Variants in SYT7 observed in about 807,000 individuals in gnomAD.
SYT7 encodes the protein synaptotagmin 7.
A neutral mutation model predicts 75.1 loss-of-function variants in SYT7; 29 were observed. The ratio of observed to expected loss-of-function variants is 0.39; its 90% CI spans 0.29 to 0.53. The LOEUF (loss-of-function observed/expected upper bound fraction) is 0.53, where lower values mean the gene tolerates loss of function less well. Ranked by LOEUF, SYT7 falls within the 20% of genes least tolerant of loss-of-function variation. The pLI is 0.77. For synonymous variants in SYT7, 376 were observed against 401.7 expected (o/e 0.94, Z 0.76); for missense variants, 693 against 953.2 (o/e 0.73, Z 3.59).
intron 6 of SYT7, among the ~76,000 whole-genome samples, chr11:61,539,159 C>G (rs1012130404): frequency 6.6e-6 from 1 of 152,176 alleles, no homozygotes; most frequent in Non-Finnish European, 1.5e-5. Flanking sequence ...GAAGTTTTGG[C>G]AGGACTGCAG....
chr11:61,572,530 C>G (rs2063950891), intron 1 of SYT7, among the ~76,000 whole-genome samples: 1 of 152,162 alleles, frequency 6.6e-6, no homozygotes, highest in Non-Finnish European at 1.5e-5. Flanking sequence ...ACTGAGTGAC[C>G]CGGGCAAGAC....
rs1219950410 is a variant in SYT7 at position 61,553,581 on chromosome 11, A to AGCAGGAGCCGAGGTGCTATGGGGG, written c.136-2142_136-2119dup. On this transcript the variant is annotated intron_variant, in intron 2 of 12. Coordinates refer to ENST00000539008, the MANE Select transcript of SYT7 (RefSeq NM_001365809.2). The surrounding 1 kb of genome is among the most constrained non-coding windows in gnomAD (Gnocchi z 5.2). ...CCTCTGGCTTCGACTATTGCTCTGC[A>AGCAGGAGCCGAGGTGCTATGGGGG]GCAGGAGCCGAGGTGCTATGGGGGA... Among the ~76,000 whole-genome samples, 4 of 152,192 alleles carry AGCAGGAGCCGAGGTGCTATGGGGG rather than the reference A, an allele frequency of 2.6e-5. No homozygotes were observed. Among genetic ancestry groups the AGCAGGAGCCGAGGTGCTATGGGGG allele is most frequent in the Non-Finnish European group, 4.4e-5 (3 of 68,038 alleles).
chr11:61,531,193 G>GT, intron 8 of SYT7: 1 of 953,644 alleles, frequency 1.0e-6, no homozygotes, highest in Non-Finnish European at 1.2e-6. Context: ...GCACAGAGCT[G>GT]TGCAATTAGA....
intron 8 of SYT7, among the ~76,000 whole-genome samples, chr11:61,530,151 G>A (rs1358237929): frequency 2.0e-5 from 3 of 152,214 alleles, no homozygotes; most frequent in African/African-American, 4.8e-5. Flanking sequence ...AGTCACCTGC[G>A]ATTGAATGGC....
intron 1 of SYT7, among the ~76,000 whole-genome samples, chr11:61,577,010 C>T (rs911324286): frequency 2.0e-5 from 3 of 152,152 alleles, no homozygotes; most frequent in Non-Finnish European, 2.9e-5. Context: ...CACCTCAATC[C>T]GGCCTGCTCT....
rs1325086784 is a variant in SYT7, at chr11:61,514,899, G to A, written c.*3728C>T. ...GAGGCGCTGGCCTGAAACTACAGTGGCCCCATGGATGGTGGTGGGAAAGCT... is the reference window on the plus strand; with the variant it reads ...GAGGCGCTGGCCTGAAACTACAGTGACCCCATGGATGGTGGTGGGAAAGCT... On this transcript the variant is annotated 3_prime_UTR_variant, in exon 13 of 13. Transcript: ENST00000539008. 6.6e-6 allele frequency among the ~76,000 whole-genome samples: 1 copy of A among 152,208 alleles called. No homozygotes were observed. The highest frequency in any genetic ancestry group is 1.5e-5 in the Non-Finnish European group (1 of 68,040).
In SYT7 at chr11:61,556,343, C is replaced by T. The variant is rs113204930; in HGVS notation, c.32-136G>A. 2,029 of 652,566 alleles carry T rather than the reference C, an allele frequency of 3.1e-3. 36 individuals are homozygous for T. The African/African-American group carries it at 0.034, about 11-fold the overall frequency. 40.4% of individuals were successfully genotyped at this position (652,566 alleles called of 1,614,324 possible). ...GGAGCTCTGAACCCAGGTTCTACTC[C>T]CAGTTCTGCCTTGCTGGATGAACTT... On this transcript the variant is annotated intron_variant, in intron 1 of 12. Transcript: ENST00000539008.
intron 1 of SYT7, among the ~76,000 whole-genome samples, chr11:61,558,673 C>T (rs985243280): frequency 6.6e-6 from 1 of 152,120 alleles, no homozygotes; most frequent in Middle Eastern, 3.2e-3. Flanking sequence ...CATCAAACAG[C>T]AGGACACCCA....
At chr11:61,577,411 G>A (rs1321451504) in intron 1 of SYT7, among the ~76,000 whole-genome samples, 1 of 152,216 alleles carries the variant, frequency 6.6e-6, no homozygotes, top group Non-Finnish European at 1.5e-5. Context: ...GGTTGTTGGT[G>A]AAATGGGTGG....
rs376880871 is a variant in SYT7, at chr11:61,542,760, C to G, written c.573-181G>C. ...CGCCGCCACTGCCTCGCCCAGGAGG[C>G]TGCAAAGCCCTCGCGCCCACCCTGA... On this transcript the variant is annotated intron_variant, in intron 5 of 12. Transcript: ENST00000539008. The surrounding 1 kb of genome is among the most constrained non-coding windows in gnomAD (Gnocchi z 7.8). 2.2e-4 allele frequency among the ~76,000 whole-genome samples: 34 copies of G among 152,330 alleles called. No individual in the cohort carries two copies. The East Asian group carries it at 5.0e-3, about 23-fold the overall frequency.
intron 5 of SYT7, among the ~76,000 whole-genome samples, chr11:61,544,556 G>C (rs1184885009): frequency 2.0e-5 from 3 of 152,226 alleles, no homozygotes; most frequent in Admixed American, 2.0e-4. Flanking sequence ...CCTGGGGGCA[G>C]GTCAAGGCAG....
At chr11:61,549,585 C>T (rs1393268979) in intron 3 of SYT7, among the ~76,000 whole-genome samples, 1 of 152,230 alleles carries the variant, frequency 6.6e-6, no homozygotes, top group Non-Finnish European at 1.5e-5. Context: ...GAAGGAGGCT[C>T]CGCCACCTGT....
chr11:61,547,143 G>A (rs952542694), intron 4 of SYT7, 34 bp downstream of exon 4: 67 of 1,533,310 alleles, frequency 4.4e-5, no homozygotes, highest in East Asian at 7.3e-5. Flanking sequence ...GCGGATACTC[G>A]GTACATATGA....
chr11:61,541,663 G>C (rs767934714), intron 6 of SYT7, among the ~76,000 whole-genome samples: 1 of 147,582 alleles, frequency 6.8e-6, no homozygotes, highest in Non-Finnish European at 1.5e-5. Context: ...GGTGGCTATA[G>C]AAGGTCAGAG....
Position 61,551,519 on chromosome 11 carries a change from TCCC to T in SYT7, c.136-59_136-57del. Reference sequence around the variant, plus strand: ...GGAACAGGACTGTACCCTCCCTACCTCCCCAGAACAGGGACCCGGAGGGGAAGG... The same window carrying T: ...GGAACAGGACTGTACCCTCCCTACCTCAGAACAGGGACCCGGAGGGGAAGG... On this transcript the variant is annotated intron_variant, in intron 2 of 12. Coordinates refer to ENST00000539008, the MANE Select transcript of SYT7 (RefSeq NM_001365809.2). The surrounding 1 kb of genome is among the most constrained non-coding windows in gnomAD (Gnocchi z 5.3). 1 of 1,551,118 alleles carries T rather than the reference TCCC, an allele frequency of 6.4e-7. No homozygotes were observed. The highest frequency in any genetic ancestry group is 8.9e-7 in the Non-Finnish European group (1 of 1,127,476).
chr11:61,517,440 C>T lies in SYT7; in HGVS notation c.*1187G>A, dbSNP rs1018237042. On this transcript the variant is annotated 3_prime_UTR_variant, in exon 13 of 13. Transcript: ENST00000539008. ...GAGTGGGGAAGGGTGAGAAGACAGT[C>T]CTGGAGAAGGTCAGGTGATGGACGA... is the stretch of plus-strand genomic sequence containing the variant. 5 of 398,646 alleles carry T rather than the reference C, an allele frequency of 1.3e-5. No homozygotes were observed. The highest frequency in any genetic ancestry group is 4.4e-5 in the Admixed American group (1 of 22,704). The allele number at this position is 398,646 out of a possible 1,614,324, so 24.7% of individuals were successfully genotyped here. A position where few individuals can be genotyped will look rare whatever the true frequency, so the allele number is the denominator to read the frequency against.
chr11:61,558,262 A>G (rs1398275555), intron 1 of SYT7, among the ~76,000 whole-genome samples: 1 of 152,140 alleles, frequency 6.6e-6, no homozygotes, highest in African/African-American at 2.4e-5. Flanking sequence ...TTCGAGGCCA[A>G]CATGGCAAAA....
intron 1 of SYT7, 90 bp from the exon 2 acceptor site, chr11:61,556,297 C>T: frequency 9.7e-7 from 1 of 1,030,776 alleles, no homozygotes; most frequent in East Asian, 2.7e-5. Flanking sequence ...CCACCCTACC[C>T]TCCATCTGGC....
chr11:61,527,734 C>T (rs2062564938), intron 9 of SYT7, among the ~76,000 whole-genome samples, 181 bp downstream of exon 9: 1 of 151,642 alleles, frequency 6.6e-6, no homozygotes, highest in Non-Finnish European at 1.5e-5. Context: ...TGGATCTGTG[C>T]CTGTGCACAC....
Sources: allele counts gnomAD v4.1 joint callset (sites outside exome capture counted in the v4.1 genomes callset), GRCh38; gene constraint gnomAD v4.1.1; non-coding constraint Gnocchi (gnomAD v3.1); transcripts MANE v1.5; gene names NCBI Gene and HGNC (gene_info 2026-07-23, HGNC 2026-07-21).